IL2RA: variants seen among roughly 807,000 people sequenced by gnomAD.
IL2RA encodes interleukin 2 receptor subunit alpha, also known as interleukin-2 receptor subunit alpha.
Under a neutral mutation model 37.8 loss-of-function variants are expected in IL2RA, and 24 were observed. The ratio of observed to expected loss-of-function variants is 0.63; its 90% confidence interval spans 0.46 to 0.89. The LOEUF (loss-of-function observed/expected upper bound fraction) is 0.89, where lower values mean the gene tolerates loss of function less well. Among genes scored for constraint, IL2RA ranks in the 40% least tolerant of loss-of-function variants. The pLI is 0.00. For missense variants in IL2RA, 319 were observed against 348.6 expected, an observed-to-expected ratio of 0.92 and a Z score of 0.68; for synonymous variants, 125 against 114.6, an observed-to-expected ratio of 1.09 and a Z score of -0.58.
rs1419304747 is a variant in IL2RA at position 6,031,442 on chromosome 10, GTATATATATATACATATATATA to G, written c.65-5439_65-5418del. On this transcript the variant is annotated intron_variant, in intron 1 of 7. Transcript: ENST00000379959. ...AGAATTTAGCAAGTTAGCAATTTCA[GTATATATATATACATATATATA>G]TATATATATATATATATATATATAT... Among the ~76,000 whole-genome samples, 89 of 54,028 alleles carry G rather than the reference GTATATATATATACATATATATA, an allele frequency of 1.6e-3. 3 individuals are homozygous for G. Among genetic ancestry groups the G allele is most frequent in the African/African-American group, 6.2e-3 (79 of 12,696 alleles). 35.4% of individuals were successfully genotyped at this position (54,028 alleles called of 152,430 possible).
chr10:6,018,246 C>G lies in IL2RA; in HGVS notation c.728-127G>C. On this transcript the variant is annotated intron_variant, in intron 6 of 7. Transcript: ENST00000379959. The surrounding 1 kb of genome is among the most constrained non-coding windows in gnomAD (Gnocchi z 5.1). The stretch of plus-strand genomic sequence containing the variant: ...AGGCGGAGGCTGCAGCCTCTCTTCC[C>G]TGTCTCAGGAAGTAGGTCCCTCCCC... The G allele has an allele frequency of 1.4e-6, 1 of 735,392 alleles. No individual in the cohort carries two copies. The allele number at this position is 735,392 out of a possible 1,614,324, so 45.6% of individuals were successfully genotyped here.
intron 1 of IL2RA, among the ~76,000 whole-genome samples, chr10:6,026,906 T>A (rs756865765): frequency 5.3e-4 from 80 of 152,094 alleles, no homozygotes; most frequent in Non-Finnish European, 9.3e-4. Context: ...GTTGGCCGGT[T>A]GTGTATTGGT....
rs1345854750 is a variant in IL2RA, at chr10:6,025,690, CT to C, written c.256+143del. The C allele has an allele frequency of 3.6e-5, 29 of 798,946 alleles. No individual in the cohort carries two copies. In the Admixed American group the frequency reaches 6.1e-4, roughly 17 times the overall value. 49.5% of individuals were successfully genotyped at this position (798,946 alleles called of 1,614,324 possible). A position where few individuals can be genotyped will look rare whatever the true frequency, so the allele number is the denominator to read the frequency against. On this transcript the variant is annotated intron_variant, in intron 2 of 7. Coordinates refer to ENST00000379959, the MANE Select transcript of IL2RA (RefSeq NM_000417.3). The surrounding 1 kb of genome is among the most constrained non-coding windows in gnomAD (Gnocchi z 4.4). ...AAAAAAAATTGTGTTTAGTGAATGA[CT>C]TTTCAGGAACCACTAAAATTAGTTA...
At position 6,021,631 on chromosome 10, in the gene IL2RA, C is replaced by A. The variant is rs1238839166; in HGVS notation, c.430G>T (p.Val144Leu). ...EATERIYHFV[V>L]GQMVYYQCVQ... ...CACTGATAATAAACCATCTGCCCCA[C>A]CACGAAATGATAAATTCTCTCTGTG... Residue 144 changes from valine (V) to leucine (L), a missense_variant, in exon 4 of 8, where the codon GTG becomes TTG. Val to Leu is a conservative substitution (Grantham distance 32). Transcript: ENST00000379959. The surrounding 1 kb of genome is among the most constrained non-coding windows in gnomAD (Gnocchi z 4.9). 6.2e-7 allele frequency: 1 copy of A among 1,614,146 alleles called. No homozygotes were observed. The highest frequency in any genetic ancestry group is 8.5e-7 in the Non-Finnish European group (1 of 1,180,034).
chr10:6,050,918 A>G (rs896303462), intron 1 of IL2RA, among the ~76,000 whole-genome samples: 2 of 152,116 alleles, frequency 1.3e-5, no homozygotes, highest in Non-Finnish European at 2.9e-5. Context: ...GGTGGGTGAA[A>G]GGTAGTGAAA....
Position 6,018,027 on chromosome 10 carries a change from G to A in IL2RA, c.794+26C>T. 1 of 1,606,044 alleles carries A rather than the reference G, an allele frequency of 6.2e-7. No homozygotes were observed. Among genetic ancestry groups the A allele is most frequent in the Non-Finnish European group, 8.5e-7 (1 of 1,173,582 alleles). ...GGTACAGGACTTTGATCTGACCAAG[G>A]GCTGCCTTGGTGATGCCACACTTAC... On this transcript the variant is annotated intron_variant, in intron 7 of 7. Coordinates refer to ENST00000379959, the MANE Select transcript of IL2RA (RefSeq NM_000417.3). The surrounding 1 kb of genome is among the most constrained non-coding windows in gnomAD (Gnocchi z 5.1).
chr10:6,060,203 C>T (rs368118996), intron 1 of IL2RA, among the ~76,000 whole-genome samples: 1 of 152,154 alleles, frequency 6.6e-6, no homozygotes, highest in African/African-American at 2.4e-5. Flanking sequence ...ATTGAAAAAC[C>T]TTCCTAAAAG....
chr10:6,056,626 C>A lies in IL2RA; in HGVS notation c.64+5462G>T, dbSNP rs985441842. ...AAAAGGAGCCAGGCATGGTGGTGCA[C>A]ACCTGTAATCCCAGCTACTCAGGAG... On this transcript the variant is annotated intron_variant, in intron 1 of 7. Coordinates refer to ENST00000379959, the MANE Select transcript of IL2RA (RefSeq NM_000417.3). This position sits in a 1 kb window ranked among gnomAD's most constrained non-coding sequence, Gnocchi z 5.0. Among the ~76,000 whole-genome samples the A allele has an allele frequency of 6.6e-6, 1 of 152,036 alleles. No individual in the cohort carries two copies. The highest frequency in any genetic ancestry group is 1.5e-5 in the Non-Finnish European group (1 of 68,014).
rs970801594 is a variant in IL2RA, at chr10:6,029,925, G to A, written c.65-3900C>T. On this transcript the variant is annotated intron_variant, in intron 1 of 7. Coordinates refer to ENST00000379959, the MANE Select transcript of IL2RA (RefSeq NM_000417.3). The surrounding 1 kb of genome is among the most constrained non-coding windows in gnomAD (Gnocchi z 4.6). Reference sequence around the variant, plus strand: ...TCACCATGTTGACCAGGCTGGTCTCGAATTCCTGACCTCAGATGATCCACC... The same window carrying A: ...TCACCATGTTGACCAGGCTGGTCTCAAATTCCTGACCTCAGATGATCCACC... Among the ~76,000 whole-genome samples the A allele has an allele frequency of 2.6e-5, 4 of 152,108 alleles. No homozygotes were observed. The highest frequency in any genetic ancestry group is 5.9e-5 in the Non-Finnish European group (4 of 68,024).
intron 1 of IL2RA, among the ~76,000 whole-genome samples, chr10:6,043,823 T>C (rs1180336448): frequency 1.3e-5 from 2 of 152,224 alleles, no homozygotes; most frequent in South Asian, 2.1e-4. Context: ...GATGGGCACA[T>C]GTTGGTTATA....
intron 1 of IL2RA, among the ~76,000 whole-genome samples, chr10:6,060,084 G>A (rs1285320233): frequency 1.3e-5 from 2 of 152,042 alleles, no homozygotes; most frequent in African/African-American, 4.8e-5. Flanking sequence ...GAAATAACAC[G>A]AGTTTACTTG....
At chr10:6,050,306 A>G (rs1184953468) in intron 1 of IL2RA, among the ~76,000 whole-genome samples, 2 of 152,048 alleles carry the variant, frequency 1.3e-5, no homozygotes, top group Non-Finnish European at 2.9e-5. Flanking sequence ...TGGGAGAGTG[A>G]ATTACTGCCT....
intron 1 of IL2RA, among the ~76,000 whole-genome samples, chr10:6,049,235 T>TC (rs1248875189): frequency 2.0e-5 from 3 of 152,148 alleles, no homozygotes; most frequent in Non-Finnish European, 4.4e-5. Flanking sequence ...AGTGCAAATG[T>TC]CCAAGAGCAG....
chr10:6,030,786 A>G (rs1839563281), intron 1 of IL2RA, among the ~76,000 whole-genome samples: 1 of 152,194 alleles, frequency 6.6e-6, no homozygotes, highest in Admixed American at 6.5e-5. Context: ...AAATAATAAT[A>G]TGGTATGGTG....
At chr10:6,045,998 C>T (rs929107772) in intron 1 of IL2RA, among the ~76,000 whole-genome samples, 1 of 152,182 alleles carries the variant, frequency 6.6e-6, no homozygotes, top group Non-Finnish European at 1.5e-5. Context: ...GTCCTGTTAA[C>T]ACAAATCCTA....
chr10:6,030,308 C>A (rs1839556440), intron 1 of IL2RA, among the ~76,000 whole-genome samples: 2 of 152,092 alleles, frequency 1.3e-5, no homozygotes, highest in South Asian at 2.1e-4. Flanking sequence ...CGGCACCAAG[C>A]AAGATACGTA....
chr10:6,026,977 G>T (rs562052868), intron 1 of IL2RA, among the ~76,000 whole-genome samples: 1 of 152,248 alleles, frequency 6.6e-6, no homozygotes, highest in East Asian at 1.9e-4. Context: ...TTGTCCTCCG[G>T]AAGACCATCC....
chr10:6,050,921 T>C (rs1210270657), intron 1 of IL2RA, among the ~76,000 whole-genome samples: 2 of 151,770 alleles, frequency 1.3e-5, no homozygotes, highest in Non-Finnish European at 2.9e-5. Context: ...GGGTGAAAGG[T>C]AGTGAAAGCC....
At position 6,028,990 on chromosome 10, in the gene IL2RA, C is replaced by CAAA. The variant is rs34303304; in HGVS notation, c.65-2968_65-2966dup. 9.1e-6 allele frequency among the ~76,000 whole-genome samples: 1 copy of CAAA among 110,044 alleles called. No homozygotes were observed. The highest frequency in any genetic ancestry group is 3.3e-5 in the African/African-American group (1 of 29,986). The allele number at this position is 110,044 out of a possible 152,430, so 72.2% of individuals were successfully genotyped here. A position where few individuals can be genotyped will look rare whatever the true frequency, so the allele number is the denominator to read the frequency against. ...TTACAGAGTGAGTGAGAGTCTGTCT[C>CAAA]AAAAAAAAAAAAAAAAGACCCCTAA... is the stretch of plus-strand genomic sequence containing the variant. On this transcript the variant is annotated intron_variant, in intron 1 of 7. Transcript: ENST00000379959. This position sits in a 1 kb window ranked among gnomAD's most constrained non-coding sequence, Gnocchi z 4.1.
Sources: gnomAD v4.1 joint callset for allele counts (sites outside exome capture counted in the v4.1 genomes callset) on GRCh38, gnomAD v4.1.1 for gene constraint, Gnocchi (gnomAD v3.1) non-coding constraint, MANE v1.5 for transcripts, NCBI Gene and HGNC (gene_info 2026-07-23, HGNC 2026-07-21) for gene names.